The following ZFYVE26 variants were observed in gnomAD, a reference collection of about 807,000 sequenced individuals.
The protein encoded by ZFYVE26 is zinc finger FYVE domain-containing protein 26.
In ZFYVE26, 181 loss-of-function variants were observed where a neutral mutation model predicts 276.5. That is an observed-to-expected ratio of 0.65 (90% CI 0.58 to 0.74). The LOEUF is 0.74. Among genes scored for constraint, ZFYVE26 ranks in the 30% least tolerant of loss-of-function variants. The pLI, the probability that ZFYVE26 is intolerant of heterozygous loss-of-function variation, is 0.00. For synonymous variants in ZFYVE26, 1,129 were observed against 1,203.1 expected (o/e 0.94, Z 1.27); for missense variants, 2,821 against 3,097.9 (o/e 0.91, Z 2.12).
In ZFYVE26 at chr14:67,786,003, T is replaced by C. The variant is rs1444915867; in HGVS notation, c.3159A>G (p.Gly1053=). 1 of 1,614,050 alleles carries C rather than the reference T, an allele frequency of 6.2e-7. No individual in the cohort carries two copies. Among genetic ancestry groups the C allele is most frequent in the African/African-American group, 1.3e-5 (1 of 74,920 alleles). Residue 1053 remains glycine (G), a synonymous_variant, in exon 18 of 42, where the codon GGA becomes GGG. Coordinates refer to ENST00000347230, the MANE Select transcript of ZFYVE26 (RefSeq NM_015346.4). ...QTKSESVEEK[G]GGPPRCSITE... Reference sequence around the variant, plus strand: ...TGATGCTGCACCGTGGAGGGCCTCCTCCCTTTTCTTCCACACTCTCTATGG... The same window carrying C: ...TGATGCTGCACCGTGGAGGGCCTCCCCCCTTTTCTTCCACACTCTCTATGG...
At chr14:67,734,039 G>A in intron 13 of ZFYVE26, 1 of 526,084 alleles carries the variant, frequency 1.9e-6, no homozygotes, top group Non-Finnish European at 3.6e-6. Context: ...TATGGCATGA[G>A]TTGTGGACAC....
rs181563 is a variant in ZFYVE26, at chr14:67,814,131, A to C, written c.195-67T>G. ...ACTGATCTTTCATCTTTTGTCATCC[A>C]AGACAGATTTCATTGCTTATTCTGT... On this transcript the variant is annotated intron_variant, in intron 2 of 41. Transcript: ENST00000347230. The C allele has an allele frequency of 0.34, 436,162 of 1,293,518 alleles. 77,383 individuals carry two copies. Among genetic ancestry groups the C allele is most frequent in the Middle Eastern group, 0.37 (2,033 of 5,438 alleles). 80.1% of individuals were successfully genotyped at this position (1,293,518 alleles called of 1,614,324 possible). A position where few individuals can be genotyped will look rare whatever the true frequency, so the allele number is the denominator to read the frequency against.
chr14:67,729,882 A>G (rs904887160), intron 13 of ZFYVE26: 6 of 449,648 alleles, frequency 1.3e-5, no homozygotes, highest in Non-Finnish European at 2.7e-5. Context: ...ATGAGCAACT[A>G]GAGTCTGGGA....
At chr14:67,753,535 C>G (rs1031510175) in intron 39 of ZFYVE26, among the ~76,000 whole-genome samples, 172 bp downstream of exon 39, 3 of 152,158 alleles carry the variant, frequency 2.0e-5, no homozygotes, top group Admixed American at 1.3e-4. Flanking sequence ...GCAAAGTGGC[C>G]TAGAGTCTTG....
chr14:67,762,674 C>G lies in ZFYVE26; in HGVS notation c.6157G>C (p.Glu2053Gln). 6.2e-7 allele frequency: 1 copy of G among 1,613,540 alleles called. No homozygotes were observed. The highest frequency in any genetic ancestry group is 8.5e-7 in the Non-Finnish European group (1 of 1,180,030). ...LEAEYYQLGV[E>Q]VSTKTGLDTT... ...CTTTGTCTTTGTCTTTGTCTCACCTCAACGCCCAGTTGGTAGTACTCGGCT... is the reference window on the plus strand; with the variant it reads ...CTTTGTCTTTGTCTTTGTCTCACCTGAACGCCCAGTTGGTAGTACTCGGCT... Residue 2053 changes from glutamate to glutamine, a missense_variant and splice_region_variant, in exon 33 of 42, where the codon GAG (glutamate) becomes CAG (glutamine). Coordinates refer to ENST00000347230, the MANE Select transcript of ZFYVE26 (RefSeq NM_015346.4).
Position 67,762,191 on chromosome 14 carries a change from C to A in ZFYVE26, c.6369+12G>T, listed in dbSNP as rs772853496. ...CTCCCTGAGCCAGGCACTCTTCCTGCCTTGCTCTTACCAAGGATACAAAGG... is the reference window on the plus strand; with the variant it reads ...CTCCCTGAGCCAGGCACTCTTCCTGACTTGCTCTTACCAAGGATACAAAGG... On this transcript the variant is annotated intron_variant, in intron 34 of 41. Transcript: ENST00000347230. 1 of 1,614,044 alleles carries A rather than the reference C, an allele frequency of 6.2e-7. No homozygotes were observed. The highest frequency in any genetic ancestry group is 1.1e-5 in the South Asian group (1 of 91,088).
Position 67,757,682 on chromosome 14 carries a change from C to CTTTCTTTCTT in ZFYVE26, c.6589-1538_6589-1537insAAGAAAGAAA, listed in dbSNP as rs1279409842. Among the ~76,000 whole-genome samples, 5 of 130,634 alleles carry CTTTCTTTCTT rather than the reference C, an allele frequency of 3.8e-5. No homozygotes were observed. In the South Asian group the frequency reaches 9.7e-4, roughly 25 times the overall value. The allele number at this position is 130,634 out of a possible 152,430, so 85.7% of individuals were successfully genotyped here. ...TCTTTCTTTCTTTCTTTCTTTCTTTCTCTCTCTCTTTCCTTTCTTTCTCTC... is the reference window on the plus strand; with the variant it reads ...TCTTTCTTTCTTTCTTTCTTTCTTTCTTTCTTTCTTTCTCTCTCTTTCCTTTCTTTCTCTC... On this transcript the variant is annotated intron_variant, in intron 35 of 41. Transcript: ENST00000347230.
At chr14:67,815,490 A>G in intron 2 of ZFYVE26, 1 of 473,216 alleles carries the variant, frequency 2.1e-6, no homozygotes, top group Non-Finnish European at 3.9e-6. Context: ...TTTTCAATGC[A>G]GTTCCACCAT....
intron 41 of ZFYVE26, 27 bp downstream of exon 41, chr14:67,751,025 C>A (rs779713400): frequency 6.2e-7 from 1 of 1,613,982 alleles, no homozygotes; most frequent in African/African-American, 1.3e-5. Context: ...ATTGGCATCA[C>A]CAGCGTTTGG....
chr14:67,729,611 A>G, exon 14 of ZFYVE26: 2 of 630,454 alleles, frequency 3.2e-6, no homozygotes, highest in Non-Finnish European at 5.7e-6. Flanking sequence ...CCGCTTTTCC[A>G]TGAAAACTTT....
chr14:67,746,132 A>G (rs538971369), downstream of ZFYVE26, among the ~76,000 whole-genome samples: 2 of 152,258 alleles, frequency 1.3e-5, no homozygotes, highest in East Asian at 3.9e-4. Context: ...GTATAGCTTC[A>G]CAGTGGAACA....
intron 36 of ZFYVE26, 30 bp downstream of exon 36, chr14:67,755,918 A>C: frequency 6.2e-7 from 1 of 1,613,710 alleles, no homozygotes; most frequent in Non-Finnish European, 8.5e-7. Flanking sequence ...CCAGCAACAG[A>C]GGTAGAAGGC....
Position 67,775,961 on chromosome 14 carries a change from C to A in ZFYVE26, c.5120G>T (p.Gly1707Val). 1 of 1,614,200 alleles carries A rather than the reference C, an allele frequency of 6.2e-7. No individual in the cohort carries two copies. Among genetic ancestry groups the A allele is most frequent in the Non-Finnish European group, 8.5e-7 (1 of 1,180,032 alleles). The change falls in exon 26 of 42, where the codon GGA (glycine) becomes GTA (valine). Residue 1707 changes from glycine to valine, a missense_variant. By Grantham distance (109) the Gly-to-Val change is moderately radical. Transcript: ENST00000347230. Reference protein sequence around the residue: ...AVQTLQQLLVGQEIGFTMDEV... With the variant: ...AVQTLQQLLVVQEIGFTMDEV... ...GTCCATAGTGAAGCCAATCTCCTGT[C>A]CAACCAGCAGCTGCTGGAGAGTCTG...
downstream of ZFYVE26, among the ~76,000 whole-genome samples, chr14:67,745,435 A>G (rs1566857260): frequency 6.6e-6 from 1 of 151,902 alleles, no homozygotes; most frequent in Non-Finnish European, 1.5e-5. Flanking sequence ...AAACTTCTCT[A>G]GTAACGAACT....
At chr14:67,735,417 A>G (rs2038340648) in intron 13 of ZFYVE26, 1 of 646,668 alleles carries the variant, frequency 1.5e-6, no homozygotes, top group Non-Finnish European at 2.8e-6. Flanking sequence ...GCCGCAAGTT[A>G]ACATCTGAGC....
intron 3 of ZFYVE26, among the ~76,000 whole-genome samples, chr14:67,813,230 TGG>T (rs1310031235): frequency 6.6e-6 from 1 of 152,086 alleles, no homozygotes; most frequent in Non-Finnish European, 1.5e-5. Context: ...AGTGTTAAGG[TGG>T]AAAAAGCAGA....
At chr14:67,815,743 C>T in intron 2 of ZFYVE26, 27 bp downstream of exon 2, 3 of 1,610,802 alleles carry the variant, frequency 1.9e-6, no homozygotes, top group Non-Finnish European at 2.5e-6. Flanking sequence ...ACCCTGGGAC[C>T]GTCTGGTAGG....
intron 35 of ZFYVE26, among the ~76,000 whole-genome samples, chr14:67,758,469 C>T (rs116694494): frequency 0.015 from 2,302 of 152,092 alleles, 42 homozygotes; most frequent in African/African-American, 0.043. Flanking sequence ...AAATATAGGC[C>T]TTCTTGGTCC....
Position 67,806,667 on chromosome 14 carries a change from C to A in ZFYVE26, c.895G>T (p.Asp299Tyr). ...RATASGKVSP[D>Y]HLDPERAMLA... ...ATTGCCCGCTCAGGATCTAGATGAT[C>A]CGGTGAGACTGAACATCAAACAAGA... is the stretch of plus-strand genomic sequence containing the variant. Residue 299 changes from aspartate (D) to tyrosine (Y), a missense_variant, in exon 6 of 42, where the codon GAT becomes TAT. By Grantham distance (160) the Asp-to-Tyr change is radical. Transcript: ENST00000347230. 6.2e-7 allele frequency: 1 copy of A among 1,614,000 alleles called. No homozygotes were observed.
Sources: gnomAD v4.1 joint callset for allele counts (sites outside exome capture counted in the v4.1 genomes callset) on GRCh38, gnomAD v4.1.1 for gene constraint, MANE v1.5 for transcripts, NCBI Gene and HGNC (gene_info 2026-07-23, HGNC 2026-07-21) for gene names.